Variants in DNAJC10 observed in about 807,000 individuals in gnomAD.
DNAJC10 encodes the protein endoplasmic reticulum disulfide reductase DNAJC10.
DNAJC10 carries 101 observed loss-of-function variants against 115.0 expected under a neutral mutation model. The ratio of observed to expected loss-of-function variants is 0.88; its 90% CI spans 0.75 to 1.04. DNAJC10 has a LOEUF of 1.04. Ranked by LOEUF, DNAJC10 falls within the 50% of genes least tolerant of loss-of-function variation. The pLI, the probability that DNAJC10 is intolerant of heterozygous loss-of-function variation, is 0.00. For missense variants in DNAJC10, 981 were observed against 928.8 expected, an observed-to-expected ratio of 1.06 and a Z score of -0.73; for synonymous variants, 307 against 301.5, an observed-to-expected ratio of 1.02 and a Z score of -0.19.
At chr2:182,776,846 AC>A (rs1694719736) in intron 23 of DNAJC10, among the ~76,000 whole-genome samples, 1 of 152,218 alleles carries the variant, frequency 6.6e-6, no homozygotes, top group Middle Eastern at 3.2e-3. Flanking sequence ...AAAATATCAT[AC>A]CTGAAATTAA....
Position 182,720,025 on chromosome 2 carries a change from G to A in DNAJC10, c.223G>A (p.Gly75Ser), listed in dbSNP as rs1448237184. 2 of 1,559,570 alleles carry A rather than the reference G, an allele frequency of 1.3e-6. No individual in the cohort carries two copies. The highest frequency in any genetic ancestry group is 1.4e-5 in the African/African-American group (1 of 73,572). The stretch of plus-strand genomic sequence containing the variant: ...TTAACAGAATAACCCAAATGCACAT[G>A]GCGATTTTTTAAAAATAAATAGAGC... ...DKNPNNPNAH[G>S]DFLKINRAYE... The change falls in exon 4 of 24, where the codon GGC becomes AGC. Residue 75 changes from glycine to serine, a missense_variant. Transcript: ENST00000264065.
chr2:182,768,126 C>T (rs910212623), intron 22 of DNAJC10, among the ~76,000 whole-genome samples: 2 of 151,966 alleles, frequency 1.3e-5, no homozygotes, highest in Non-Finnish European at 2.9e-5. Flanking sequence ...TCTAGAATTG[C>T]CACACATCTA....
At position 182,785,831 on chromosome 2, in the gene DNAJC10, A is replaced by T. The variant is rs981119899; in HGVS notation, c.*8699A>T. The T allele has an allele frequency of 3.9e-5, 6 of 152,262 alleles. No individual in the cohort carries two copies. In the South Asian group the frequency reaches 1.2e-3, roughly 32 times the overall value. 9.4% of individuals were successfully genotyped at this position (152,262 alleles called of 1,614,324 possible). A position where few individuals can be genotyped will look rare whatever the true frequency, so the allele number is the denominator to read the frequency against. On this transcript the variant is annotated 3_prime_UTR_variant, in exon 24 of 24. Transcript: ENST00000264065. Reference sequence around the variant, plus strand: ...TCATATATATATGAAACAGTTGGGGAAATCAGAATATTTGAATTTGATATT... The same window carrying T: ...TCATATATATATGAAACAGTTGGGGTAATCAGAATATTTGAATTTGATATT...
rs928261462 is a variant in DNAJC10 at position 182,789,418 on chromosome 2, A to C, written c.*12286A>C. On this transcript the variant is annotated 3_prime_UTR_variant, in exon 24 of 24. Transcript: ENST00000264065. The stretch of plus-strand genomic sequence containing the variant: ...GTATGTTTAACGGAGACAAGGTTTT[A>C]GTGTGTTGGCCAGGCTGGTCTCGAA... The C allele has an allele frequency of 6.6e-6, 1 of 152,404 alleles. No individual in the cohort carries two copies. The highest frequency in any genetic ancestry group is 1.9e-4 in the East Asian group (1 of 5,206). 9.4% of individuals were successfully genotyped at this position (152,404 alleles called of 1,614,324 possible). A position where few individuals can be genotyped will look rare whatever the true frequency, so the allele number is the denominator to read the frequency against.
At chr2:182,750,906 G>A (rs111491291) in intron 14 of DNAJC10, among the ~76,000 whole-genome samples, 1 of 152,122 alleles carries the variant, frequency 6.6e-6, no homozygotes, top group Non-Finnish European at 1.5e-5. Flanking sequence ...CATTATGCAG[G>A]ACTGTATTGT....
intron 5 of DNAJC10, 105 bp downstream of exon 5, chr2:182,722,180 G>T: frequency 3.7e-6 from 3 of 802,226 alleles, no homozygotes; most frequent in East Asian, 5.5e-5. Context: ...TTGGAGTTTC[G>T]AACAGTAATA....
intron 22 of DNAJC10, among the ~76,000 whole-genome samples, chr2:182,767,761 T>C (rs1694452032): frequency 6.6e-6 from 1 of 152,080 alleles, no homozygotes; most frequent in Admixed American, 6.6e-5. Context: ...ACCACAGATA[T>C]CCACTAGATG....
At chr2:182,753,836 C>T (rs1201664416) in intron 16 of DNAJC10, among the ~76,000 whole-genome samples, 1 of 152,106 alleles carries the variant, frequency 6.6e-6, no homozygotes. Context: ...CCCACCTCGG[C>T]CTCCCAAAGT....
chr2:182,730,453 T>C, intron 8 of DNAJC10: 1 of 385,484 alleles, frequency 2.6e-6, no homozygotes, highest in South Asian at 2.0e-5. Context: ...ATAAAATATA[T>C]AGTCCCTGCC....
At chr2:182,767,356 T>C (rs910265451) in intron 22 of DNAJC10, among the ~76,000 whole-genome samples, 3 of 152,186 alleles carry the variant, frequency 2.0e-5, no homozygotes, top group African/African-American at 7.2e-5. Flanking sequence ...AGCATAAGCT[T>C]GTGTAGAGCT....
Position 182,781,558 on chromosome 2 carries a change from G to A in DNAJC10, c.*4426G>A, listed in dbSNP as rs545182012. On this transcript the variant is annotated 3_prime_UTR_variant, in exon 24 of 24. Transcript: ENST00000264065. ...CGCCACACTGTCTTCCACAATGGTT[G>A]AACAAATTTACACTCCCACTAACAG... The A allele has an allele frequency of 6.2e-4, 94 of 152,218 alleles. No individual in the cohort carries two copies. The highest frequency in any genetic ancestry group is 2.2e-3 in the African/African-American group (91 of 41,518). 9.4% of individuals were successfully genotyped at this position (152,218 alleles called of 1,614,324 possible). A position where few individuals can be genotyped will look rare whatever the true frequency, so the allele number is the denominator to read the frequency against.
In DNAJC10 at chr2:182,728,708, C is replaced by T. The variant is rs778557633; in HGVS notation, c.501+50C>T. 3.3e-6 allele frequency: 5 copies of T among 1,517,128 alleles called. No homozygotes were observed. In the South Asian group the frequency reaches 3.6e-5, roughly 11 times the overall value. The allele number at this position is 1,517,128 out of a possible 1,614,324, so 94.0% of individuals were successfully genotyped here. A position where few individuals can be genotyped will look rare whatever the true frequency, so the allele number is the denominator to read the frequency against. ...ACTAGTTTTATTTCTAATTGATCTG[C>T]AATTTATATGTTAGAATTTTTTTTT... On this transcript the variant is annotated intron_variant, in intron 6 of 23. Coordinates refer to ENST00000264065, the MANE Select transcript of DNAJC10 (RefSeq NM_018981.4).
chr2:182,750,536 C>T (rs779331539), intron 14 of DNAJC10, among the ~76,000 whole-genome samples: 33 of 152,076 alleles, frequency 2.2e-4, no homozygotes, highest in African/African-American at 2.9e-4. Flanking sequence ...CATGTGTCAA[C>T]GACAGAGACG....
intron 14 of DNAJC10, among the ~76,000 whole-genome samples, chr2:182,747,225 G>T (rs1302827362): frequency 6.6e-5 from 10 of 150,694 alleles, no homozygotes; most frequent in Non-Finnish European, 1.2e-4. Flanking sequence ...CTCTTTTTTG[G>T]TTCCATATGA....
chr2:182,736,452 A>C, intron 11 of DNAJC10, 66 bp downstream of exon 11: 1 of 1,208,398 alleles, frequency 8.3e-7, no homozygotes. Flanking sequence ...ATAATACATT[A>C]TTTTTGTAAG....
chr2:182,726,505 A>G (rs1452727862), intron 5 of DNAJC10, among the ~76,000 whole-genome samples: 1 of 152,162 alleles, frequency 6.6e-6, no homozygotes, highest in Admixed American at 6.5e-5. Flanking sequence ...TTTTGAAAGA[A>G]GTTCTACTGT....
At chr2:182,736,162 T>G (rs1246347529) in intron 10 of DNAJC10, 87 bp from the exon 11 acceptor site, 1 of 1,323,692 alleles carries the variant, frequency 7.6e-7, no homozygotes, top group Non-Finnish European at 1.0e-6. Context: ...GGTAGAAAAA[T>G]TGTGTTTTTA....
At chr2:182,776,567 G>T (rs1694711880) in intron 23 of DNAJC10, among the ~76,000 whole-genome samples, 1 of 152,128 alleles carries the variant, frequency 6.6e-6, no homozygotes, top group African/African-American at 2.4e-5. Context: ...AGAGAAGACT[G>T]GCTTTATAGC....
intron 11 of DNAJC10, among the ~76,000 whole-genome samples, chr2:182,737,117 T>G (rs992709527): frequency 2.0e-5 from 3 of 152,224 alleles, no homozygotes; most frequent in African/African-American, 7.2e-5. Context: ...TAAGTATTTT[T>G]CTAAAGCACC....
Sources: gnomAD v4.1 joint callset for allele counts (sites outside exome capture counted in the v4.1 genomes callset) on GRCh38, gnomAD v4.1.1 for gene constraint, MANE v1.5 for transcripts, NCBI Gene and HGNC (gene_info 2026-07-23, HGNC 2026-07-21) for gene names.